The following CHIC2 variants were observed in gnomAD, a reference collection of about 807,000 sequenced individuals.
CHIC2 encodes the protein cysteine-rich hydrophobic domain-containing protein 2.
Under a neutral mutation model 25.9 loss-of-function variants are expected in CHIC2, and 14 were observed. The ratio of observed to expected loss-of-function variants is 0.54; its 90% CI spans 0.36 to 0.85. CHIC2 has a LOEUF of 0.85. Ranked by LOEUF, CHIC2 falls within the 40% of genes least tolerant of loss-of-function variation. The probability of loss-of-function intolerance (pLI) is 0.01; values close to 1 mark genes in which losing one functional copy is unlikely to be tolerated. For synonymous variants in CHIC2, 70 were observed against 72.0 expected, an observed-to-expected ratio of 0.97 and a Z score of 0.14; for missense variants, 146 against 202.0, an observed-to-expected ratio of 0.72 and a Z score of 1.68.
At chr4:54,024,510 T>A (rs545773232) in intron 3 of CHIC2, among the ~76,000 whole-genome samples, 13 of 152,344 alleles carry the variant, frequency 8.5e-5, no homozygotes, top group Admixed American at 6.5e-4. Context: ...TAGCCATTTC[T>A]AATCCTTCTT....
chr4:54,012,293 G>A lies in CHIC2; in HGVS notation c.447+1544C>T, dbSNP rs987901417. 1.5e-4 allele frequency among the ~76,000 whole-genome samples: 23 copies of A among 151,702 alleles called. No individual in the cohort carries two copies. In the East Asian group the frequency reaches 4.5e-3, roughly 29 times the overall value. Reference sequence around the variant, plus strand: ...TTATTTTATCTTTACTACTCTTCTGGGTATCTTCTATGATGGAGTGAAAAT... The same window carrying A: ...TTATTTTATCTTTACTACTCTTCTGAGTATCTTCTATGATGGAGTGAAAAT... On this transcript the variant is annotated intron_variant, in intron 5 of 5. Coordinates refer to ENST00000263921, the MANE Select transcript of CHIC2 (RefSeq NM_012110.4).
At chr4:54,022,436 T>C (rs1221732344) in intron 3 of CHIC2, among the ~76,000 whole-genome samples, 1 of 152,122 alleles carries the variant, frequency 6.6e-6, no homozygotes, top group African/African-American at 2.4e-5. Context: ...CTTGCCCCCA[T>C]AACTGTTGTG....
At chr4:54,063,580 T>A (rs1330450249) in intron 1 of CHIC2, among the ~76,000 whole-genome samples, 2 of 152,108 alleles carry the variant, frequency 1.3e-5, no homozygotes, top group Non-Finnish European at 2.9e-5. Context: ...ACGTAGTTGT[T>A]GTTGTTGTTG....
the CHIC2 span, chr4:54,087,760 G>T: frequency 2.1e-6 from 1 of 485,142 alleles, no homozygotes; most frequent in African/African-American, 2.0e-5. Flanking sequence ...AGTAGCTTCT[G>T]CTAAGTACCA....
At chr4:54,015,329 T>A (rs1440997281) in intron 3 of CHIC2, among the ~76,000 whole-genome samples, 1 of 151,938 alleles carries the variant, frequency 6.6e-6, no homozygotes, top group Non-Finnish European at 1.5e-5. Flanking sequence ...TTCTGAAGAG[T>A]CTTTTTGGCA....
chr4:54,051,397 C>T (rs1010122046), intron 1 of CHIC2, among the ~76,000 whole-genome samples: 2 of 151,996 alleles, frequency 1.3e-5, no homozygotes, highest in East Asian at 1.9e-4. Flanking sequence ...ATATAACATA[C>T]ATATCTTATT....
upstream of CHIC2, among the ~76,000 whole-genome samples, chr4:54,065,669 G>A (rs529991846): frequency 1.5e-4 from 23 of 152,330 alleles, no homozygotes; most frequent in Middle Eastern, 6.8e-3. Context: ...CTTCTGAGAA[G>A]AGAGTCCTGG....
At chr4:54,067,240 G>A (rs540897612), upstream of CHIC2, among the ~76,000 whole-genome samples, 90 of 152,044 alleles carry the variant, frequency 5.9e-4, no homozygotes, top group Non-Finnish European at 9.9e-4. Context: ...CTGGGTATAC[G>A]GTAGAGGCAG....
At chr4:54,042,439 C>T (rs997629292) in intron 3 of CHIC2, among the ~76,000 whole-genome samples, 11 of 152,142 alleles carry the variant, frequency 7.2e-5, no homozygotes, top group African/African-American at 2.2e-4. Flanking sequence ...AACTCATTTA[C>T]CTTTGTTTTC....
chr4:54,084,270 G>A, the CHIC2 span, among the ~76,000 whole-genome samples: 3,502 of 152,226 alleles, frequency 0.023, 124 homozygotes, highest in African/African-American at 0.08. Flanking sequence ...AATTTTAATA[G>A]CAACTGTCTC....
At chr4:54,086,822 G>T in the CHIC2 span, 42 of 419,688 alleles carry the variant, frequency 1.0e-4, no homozygotes, top group East Asian at 1.6e-3. Context: ...ATCTCCCACT[G>T]TATCCTCCTA....
chr4:54,084,959 C>CAAAAAAA, the CHIC2 span, among the ~76,000 whole-genome samples: 23 of 58,916 alleles, frequency 3.9e-4, no homozygotes, highest in African/African-American at 1.5e-3. Context: ...TGCTCTGTCT[C>CAAAAAAA]AAAAAAAAAA....
At chr4:54,038,155 A>G (rs1716450150) in intron 3 of CHIC2, among the ~76,000 whole-genome samples, 1 of 152,168 alleles carries the variant, frequency 6.6e-6, no homozygotes. Flanking sequence ...AAGGAAAAGA[A>G]AAAGTACACA....
intron 3 of CHIC2, among the ~76,000 whole-genome samples, chr4:54,026,061 T>G (rs1468868868): frequency 6.6e-6 from 1 of 152,114 alleles, no homozygotes; most frequent in Non-Finnish European, 1.5e-5. Context: ...TATGGCGGCT[T>G]GGACTACTTT....
intron 3 of CHIC2, among the ~76,000 whole-genome samples, chr4:54,043,879 A>G (rs562075391): frequency 3.3e-5 from 5 of 152,322 alleles, no homozygotes; most frequent in African/African-American, 1.2e-4. Flanking sequence ...AAGAGTCAAG[A>G]CCCATCAGTG....
intron 3 of CHIC2, among the ~76,000 whole-genome samples, chr4:54,030,523 GAAA>G (rs375404677): frequency 6.6e-4 from 76 of 114,798 alleles, no homozygotes; most frequent in African/African-American, 2.2e-3. Flanking sequence ...TATCTCAAAA[GAAA>G]AAAAAAAAAA....
At chr4:54,074,358 A>G in the CHIC2 span, among the ~76,000 whole-genome samples, 1 of 152,166 alleles carries the variant, frequency 6.6e-6, no homozygotes, top group Non-Finnish European at 1.5e-5. Context: ...ATGCATGCTG[A>G]GAAAATCTAC....
intron 3 of CHIC2, among the ~76,000 whole-genome samples, chr4:54,019,951 T>G (rs572141428): frequency 6.6e-6 from 1 of 152,280 alleles, no homozygotes; most frequent in South Asian, 2.1e-4. Context: ...TAGTTTCAAC[T>G]GACCACAGAA....
intron 3 of CHIC2, among the ~76,000 whole-genome samples, chr4:54,038,859 T>G (rs970504784): frequency 1.3e-5 from 2 of 151,960 alleles, no homozygotes; most frequent in African/African-American, 4.8e-5. Flanking sequence ...CTGTCTCCTT[T>G]TTAATTAAAA....
Sources: allele counts gnomAD v4.1 joint callset (sites outside exome capture counted in the v4.1 genomes callset), GRCh38; gene constraint gnomAD v4.1.1; transcripts MANE v1.5; gene names NCBI Gene and HGNC (gene_info 2026-07-23, HGNC 2026-07-21).